Variants in ZNF124 observed in about 807,000 individuals in gnomAD.
ZNF124 encodes zinc finger protein HZF-16.
ZNF124 carries 25 observed loss-of-function variants against 26.6 expected under a neutral mutation model. The observed-to-expected ratio is 0.94, with a 90% CI of 0.68 to 1.31. The LOEUF is 1.31. Among genes scored for constraint, ZNF124 ranks in the 40% most tolerant of loss-of-function variants. ZNF124 has a pLI of 0.00. For synonymous variants in ZNF124, 129 were observed against 133.3 expected (o/e 0.97, Z 0.22); for missense variants, 444 against 422.2 (o/e 1.05, Z -0.45).
At chr1:247,151,114 A>T (rs1672922931), downstream of ZNF124, among the ~76,000 whole-genome samples, 1 of 152,168 alleles carries the variant, frequency 6.6e-6, no homozygotes, top group Non-Finnish European at 1.5e-5. Flanking sequence ...GTCTGTTAGT[A>T]ATCGGAGAAA....
downstream of ZNF124, among the ~76,000 whole-genome samples, chr1:247,151,457 T>G (rs993767585): frequency 4.2e-5 from 6 of 143,150 alleles, no homozygotes; most frequent in African/African-American, 1.3e-4. Context: ...CCAGCCTGGG[T>G]GACAGAGTGA....
chr1:247,143,751 TA>T (rs752153476), intron 3 of ZNF124, among the ~76,000 whole-genome samples: 1 of 152,212 alleles, frequency 6.6e-6, no homozygotes, highest in Non-Finnish European at 1.5e-5. Flanking sequence ...CAAGTATTGA[TA>T]AGATTCGTCT....
chr1:247,159,546 AAG>A (rs1673354049), intron 2 of ZNF124, 139 bp downstream of exon 2: 1 of 775,442 alleles, frequency 1.3e-6, no homozygotes, highest in African/African-American at 1.8e-5. Flanking sequence ...ACTAAGAAAC[AAG>A]AGTCATTGCA....
downstream of ZNF124, among the ~76,000 whole-genome samples, chr1:247,151,373 G>A (rs1052843113): frequency 2.1e-4 from 32 of 151,966 alleles, no homozygotes; most frequent in Non-Finnish European, 1.9e-4. Flanking sequence ...CAGCTACTCG[G>A]GAGGCTGAGG....
intron 3 of ZNF124, among the ~76,000 whole-genome samples, chr1:247,133,786 G>A (rs369129514): frequency 3.8e-4 from 57 of 151,190 alleles, no homozygotes; most frequent in African/African-American, 1.1e-3. Context: ...CCCAAGTAGC[G>A]GGGATTACAG....
chr1:247,157,314 G>A lies in ZNF124; in HGVS notation c.308C>T (p.Ser103Phe). 2 of 1,585,030 alleles carry A rather than the reference G, an allele frequency of 1.3e-6. No individual in the cohort carries two copies. Among genetic ancestry groups the A allele is most frequent in the Non-Finnish European group, 1.7e-6 (2 of 1,163,754 alleles). The stretch of plus-strand genomic sequence containing the variant: ...TCTGTGAACCCTTGTGACAGAAAGG[G>A]AAGTTTTCTGACATTGTTTACATGT... The part of the protein sequence containing the change: ...PCTCKQCQKT[S>F]LSVTRVHRDT... Residue 103 changes from serine to phenylalanine, a missense_variant, in exon 4 of 4, where the codon TCC becomes TTC. Coordinates refer to ENST00000543802, the MANE Select transcript of ZNF124 (RefSeq NM_001297568.2).
chr1:247,123,945 G>T, intron 3 of ZNF124: 1 of 701,038 alleles, frequency 1.4e-6, no homozygotes, highest in Non-Finnish European at 2.6e-6. Flanking sequence ...TATGCCCTTT[G>T]TGATGTGCTT....
At chr1:247,140,267 A>T (rs1167904566) in intron 3 of ZNF124, among the ~76,000 whole-genome samples, 1 of 152,178 alleles carries the variant, frequency 6.6e-6, no homozygotes, top group Admixed American at 6.5e-5. Context: ...CACTTGGTCT[A>T]TTCTGCTGTT....
Position 247,156,645 on chromosome 1 carries a change from G to A in ZNF124, c.977C>T (p.Ala326Val), listed in dbSNP as rs760273928. The change falls in exon 4 of 4, where the codon GCC (alanine) becomes GTC (valine). Residue 326 changes from alanine (A) to valine (V), a missense_variant. Ala to Val is a moderately conservative substitution (Grantham distance 64). Coordinates refer to ENST00000543802, the MANE Select transcript of ZNF124 (RefSeq NM_001297568.2). ...CCAAAGGGTACTAGCACGACTAAAG[G>A]CTTTGCCACATTTCTGACATTCATA... ...KPYECQKCGK[A>V]FSRASTLWKH... The A allele has an allele frequency of 5.6e-6, 9 of 1,609,734 alleles. No homozygotes were observed. The East Asian group carries it at 1.8e-4, about 32-fold the overall frequency.
chr1:247,166,220 T>G (rs1163491401), intron 1 of ZNF124, among the ~76,000 whole-genome samples: 1 of 152,096 alleles, frequency 6.6e-6, no homozygotes, highest in Non-Finnish European at 1.5e-5. Flanking sequence ...CAAAACCAGA[T>G]GCTGGTAAGG....
Position 247,156,900 on chromosome 1 carries a change from T to C in ZNF124, c.722A>G (p.Lys241Arg), listed in dbSNP as rs767956396. 6.1e-5 allele frequency: 98 copies of C among 1,614,042 alleles called. No individual in the cohort carries two copies. The highest frequency in any genetic ancestry group is 8.2e-5 in the Non-Finnish European group (97 of 1,180,032). Residue 241 changes from lysine to arginine, a missense_variant, in exon 4 of 4, where the codon AAA (lysine) becomes AGA (arginine). Lys to Arg is a conservative substitution (Grantham distance 26). Coordinates refer to ENST00000543802, the MANE Select transcript of ZNF124 (RefSeq NM_001297568.2). ...EKPYVCMECGKAFSCLSSLQG... is the reference protein window; with the variant it reads ...EKPYVCMECGRAFSCLSSLQG... ...CAAGGAACTGAGACAACTGAAAGCT[T>C]TGCCACATTCCATGCACACATAAGG...
chr1:247,159,763 C>A lies in ZNF124; in HGVS notation c.81G>T (p.Trp27Cys). ...DVAVNFTQEE[W>C]ALLDPSQKNL... is the part of the protein sequence containing the mutation. ...TCTTCTGGGAAGGATCCAACAAAGC[C>A]CACTCCTCCTGGGTGAAGTTCACAG... is the stretch of plus-strand genomic sequence containing the variant. The change falls in exon 2 of 4, where the codon TGG (tryptophan) becomes TGT (cysteine). Residue 27 changes from tryptophan (W) to cysteine (C), a missense_variant. By Grantham distance (215) the Trp-to-Cys change is radical. Transcript: ENST00000543802. The A allele has an allele frequency of 6.2e-7, 1 of 1,613,768 alleles. No individual in the cohort carries two copies.
At chr1:247,137,093 A>G (rs1672502857) in intron 3 of ZNF124, among the ~76,000 whole-genome samples, 1 of 152,212 alleles carries the variant, frequency 6.6e-6, no homozygotes. Flanking sequence ...TGCTACTGGT[A>G]CCAAAACAGA....
chr1:247,138,132 T>C (rs998755546), intron 3 of ZNF124: 4 of 152,126 alleles, frequency 2.6e-5, no homozygotes, highest in Non-Finnish European at 5.9e-5. Context: ...TATAAATCAT[T>C]CTACTATAAA....
chr1:247,162,150 A>G (rs1453524713), intron 1 of ZNF124, among the ~76,000 whole-genome samples: 3 of 152,194 alleles, frequency 2.0e-5, no homozygotes, highest in Non-Finnish European at 4.4e-5. Flanking sequence ...AACAGCCACC[A>G]CAAAAACACA....
chr1:247,125,945 A>G (rs537628448), intron 3 of ZNF124, among the ~76,000 whole-genome samples: 6 of 150,964 alleles, frequency 4.0e-5, no homozygotes, highest in Admixed American at 4.0e-4. Flanking sequence ...TAAATATTGT[A>G]CAATTGTATT....
At chr1:247,151,017 AAG>A (rs1384888385), downstream of ZNF124, among the ~76,000 whole-genome samples, 1 of 152,118 alleles carries the variant, frequency 6.6e-6, no homozygotes, top group Non-Finnish European at 1.5e-5. Context: ...CAAGAAGAAA[AAG>A]AGCCCTAAAA....
intron 3 of ZNF124, among the ~76,000 whole-genome samples, chr1:247,127,621 T>C (rs1672239863): frequency 6.8e-6 from 1 of 146,768 alleles, no homozygotes; most frequent in Non-Finnish European, 1.5e-5. Flanking sequence ...ATCTATAGAT[T>C]CCAGACATTG....
chr1:247,161,016 T>G (rs941641684), intron 1 of ZNF124, among the ~76,000 whole-genome samples: 1 of 152,196 alleles, frequency 6.6e-6, no homozygotes, highest in Non-Finnish European at 1.5e-5. Context: ...AGATGTCACC[T>G]CTTACAAATG....
Sources: allele counts gnomAD v4.1 joint callset (sites outside exome capture counted in the v4.1 genomes callset), GRCh38; gene constraint gnomAD v4.1.1; transcripts MANE v1.5; gene names NCBI Gene and HGNC (gene_info 2026-07-23, HGNC 2026-07-21).